The following SOCS7 variants were observed in gnomAD, a reference collection of about 807,000 sequenced individuals.
SOCS7 encodes the protein suppressor of cytokine signaling 7, also known as NAP-4.
Under a neutral mutation model 58.9 loss-of-function variants are expected in SOCS7, and 18 were observed. The ratio of observed to expected loss-of-function variants is 0.31; its 90% CI spans 0.21 to 0.45. The LOEUF (loss-of-function observed/expected upper bound fraction) is 0.45. Among genes scored for constraint, SOCS7 ranks in the 20% least tolerant of loss-of-function variants. SOCS7 has a pLI of 1.00. For missense variants in SOCS7, 667 were observed against 837.3 expected, an observed-to-expected ratio of 0.80 and a Z score of 2.51; for synonymous variants, 388 against 364.3, an observed-to-expected ratio of 1.06 and a Z score of -0.74.
In SOCS7 at chr17:38,367,993, A is replaced by G; in HGVS notation, c.1495A>G (p.Ser499Gly). The G allele has an allele frequency of 6.2e-7, 1 of 1,614,186 alleles. No individual in the cohort carries two copies. Among genetic ancestry groups the G allele is most frequent in the Non-Finnish European group, 8.5e-7 (1 of 1,180,028 alleles). ...RDSSDPRYIL[S>G]LSFRSQGITH... is the part of the protein sequence containing the mutation. Reference sequence around the variant, plus strand: ...CAGTTCTGATCCTCGTTACATCCTGAGCCTCAGTTTCCGATCACAGGGTAT... The same window carrying G: ...CAGTTCTGATCCTCGTTACATCCTGGGCCTCAGTTTCCGATCACAGGGTAT... The change falls in exon 6 of 10, where the codon AGC becomes GGC. Residue 499 changes from serine (S) to glycine (G), a missense_variant. Physicochemically the swap from Ser to Gly is moderately conservative, Grantham distance 56. This residue lies in a region of SOCS7 where 76 missense variants were observed against 194.5 expected (regional missense o/e 0.39). Coordinates refer to ENST00000612932, the MANE Select transcript of SOCS7 (RefSeq NM_014598.4).
intron 1 of SOCS7, among the ~76,000 whole-genome samples, chr17:38,354,260 G>A (rs2037602623): frequency 1.3e-5 from 2 of 152,182 alleles, no homozygotes; most frequent in South Asian, 4.1e-4. Flanking sequence ...AGACATACTG[G>A]CAGCCATAAA....
intron 6 of SOCS7, among the ~76,000 whole-genome samples, chr17:38,369,759 T>TC (rs1166513782): frequency 5.7e-4 from 83 of 146,498 alleles, no homozygotes; most frequent in African/African-American, 2.1e-3. Flanking sequence ...CATTGCAGCC[T>TC]CCACCTCCTT....
chr17:38,373,685 A>G (rs2037895917), intron 6 of SOCS7, among the ~76,000 whole-genome samples: 1 of 152,148 alleles, frequency 6.6e-6, no homozygotes, highest in Admixed American at 6.5e-5. Context: ...ATTGCCTTTA[A>G]AGCTCTTTTG....
intron 7 of SOCS7, among the ~76,000 whole-genome samples, chr17:38,386,067 G>C (rs567949353): frequency 6.6e-6 from 1 of 151,978 alleles, no homozygotes; most frequent in African/African-American, 2.4e-5. Context: ...GCTCAGGCCT[G>C]TAATCCCAGC....
intron 4 of SOCS7, 99 bp from the exon 5 acceptor site, chr17:38,366,188 T>C: frequency 1.3e-6 from 2 of 1,506,586 alleles, no homozygotes; most frequent in Non-Finnish European, 1.8e-6. Context: ...TCTAATGCCT[T>C]GCCCTCTTCA....
At chr17:38,353,644 C>T (rs1188336046) in intron 1 of SOCS7, among the ~76,000 whole-genome samples, 2 of 152,186 alleles carry the variant, frequency 1.3e-5, no homozygotes, top group Non-Finnish European at 2.9e-5. Context: ...TGGCTCACAC[C>T]TGTAATCCCA....
At chr17:38,379,177 A>C (rs911192833) in intron 7 of SOCS7, among the ~76,000 whole-genome samples, 4 of 149,866 alleles carry the variant, frequency 2.7e-5, no homozygotes, top group Admixed American at 6.6e-5. Flanking sequence ...AAACAAAAAA[A>C]AACAAAAAAA....
chr17:38,365,523 T>A, intron 4 of SOCS7, 114 bp downstream of exon 4: 1 of 657,188 alleles, frequency 1.5e-6, no homozygotes, highest in Non-Finnish European at 2.4e-6. Flanking sequence ...GTAGAAAGTT[T>A]AAATCTTTTC....
At chr17:38,389,883 G>GTACATATACATATATGTACATA (rs2038140031) in intron 7 of SOCS7, among the ~76,000 whole-genome samples, 2 of 88,044 alleles carry the variant, frequency 2.3e-5, no homozygotes, top group Non-Finnish European at 4.2e-5. Flanking sequence ...ATATATATAT[G>GTACATATACATATATGTACATA]TACATATATA....
rs1296944389 is a variant in SOCS7, at chr17:38,395,865, T to C, written c.1835T>C (p.Ile612Thr). The part of the protein sequence containing the change: ...LPLPKPLISY[I>T]RKFYYYDPQE... ...TTTCACAGACCTCTGATCTCTTATA[T>C]CCGAAAGTTCTACTACTATGATCCT... Residue 612 changes from isoleucine (I) to threonine (T), a missense_variant, in exon 9 of 10, where the codon ATC (isoleucine) becomes ACC (threonine). Coordinates refer to ENST00000612932, the MANE Select transcript of SOCS7 (RefSeq NM_014598.4). 6.2e-7 allele frequency: 1 copy of C among 1,611,172 alleles called. No individual in the cohort carries two copies. The highest frequency in any genetic ancestry group is 8.5e-7 in the Non-Finnish European group (1 of 1,179,310).
intron 6 of SOCS7, among the ~76,000 whole-genome samples, chr17:38,373,772 C>T (rs1182186448): frequency 6.6e-6 from 1 of 152,238 alleles, no homozygotes; most frequent in Non-Finnish European, 1.5e-5. Flanking sequence ...TGCTTGCCCC[C>T]AGACGCGACG....
At chr17:38,373,383 C>T (rs1322863564) in intron 6 of SOCS7, among the ~76,000 whole-genome samples, 1 of 152,114 alleles carries the variant, frequency 6.6e-6, no homozygotes, top group African/African-American at 2.4e-5. Context: ...TCTGCCTGAA[C>T]AGGTTTTTAA....
rs138752854 is a variant in SOCS7, at chr17:38,403,834, A to G, written c.*4352A>G. ...GAATGGATAAGTGATTTTTATCTCT[A>G]ATCGTCAACACAGCTGTTCTTCCAC... is the stretch of plus-strand genomic sequence containing the variant. On this transcript the variant is annotated 3_prime_UTR_variant, in exon 10 of 10. Coordinates refer to ENST00000612932, the MANE Select transcript of SOCS7 (RefSeq NM_014598.4). The G allele has an allele frequency of 6.6e-6, 1 of 152,292 alleles. No individual in the cohort carries two copies. Among genetic ancestry groups the G allele is most frequent in the African/African-American group, 2.4e-5 (1 of 41,562 alleles). The allele number at this position is 152,292 out of a possible 1,614,324, so 9.4% of individuals were successfully genotyped here.
At chr17:38,358,436 A>T (rs1334391855) in intron 1 of SOCS7, among the ~76,000 whole-genome samples, 3 of 152,208 alleles carry the variant, frequency 2.0e-5, no homozygotes, top group Non-Finnish European at 4.4e-5. Context: ...AATAATAATA[A>T]AATACAAATG....
At chr17:38,354,011 G>A (rs1053524309) in intron 1 of SOCS7, among the ~76,000 whole-genome samples, 9 of 152,318 alleles carry the variant, frequency 5.9e-5, no homozygotes, top group Middle Eastern at 6.8e-3. Flanking sequence ...AGGTACATGA[G>A]TTCTAGGCCG....
chr17:38,365,635 C>G, intron 4 of SOCS7: 1 of 411,148 alleles, frequency 2.4e-6, no homozygotes, highest in Non-Finnish European at 4.3e-6. Context: ...GGATGAAAGA[C>G]TACTGAATTT....
intron 7 of SOCS7, among the ~76,000 whole-genome samples, chr17:38,381,322 T>G (rs897983516): frequency 6.6e-6 from 1 of 152,060 alleles, no homozygotes; most frequent in Non-Finnish European, 1.5e-5. Context: ...GGGAAGGCAT[T>G]ATATAAGCTT....
At chr17:38,398,445 G>A (rs907099093) in intron 9 of SOCS7, among the ~76,000 whole-genome samples, 6 of 151,852 alleles carry the variant, frequency 4.0e-5, no homozygotes, top group Non-Finnish European at 7.4e-5. Flanking sequence ...GTTTCACCAC[G>A]TTTGTCAGTT....
At chr17:38,386,899 C>CA (rs1170915829) in intron 7 of SOCS7, among the ~76,000 whole-genome samples, 4 of 149,520 alleles carry the variant, frequency 2.7e-5, no homozygotes, top group African/African-American at 7.4e-5. Context: ...TCCTGGCTAA[C>CA]ACGGTGAAAC....
Sources: gnomAD v4.1 joint callset for allele counts (sites outside exome capture counted in the v4.1 genomes callset) on GRCh38, gnomAD v4.1.1 for gene constraint, gnomAD v4.1.1 regional missense constraint, MANE v1.5 for transcripts, NCBI Gene and HGNC (gene_info 2026-07-23, HGNC 2026-07-21) for gene names.